Variants in ZNF12 observed in about 807,000 individuals in gnomAD.
ZNF12 encodes zinc finger protein 12.
Under a neutral mutation model 66.6 loss-of-function variants are expected in ZNF12, and 34 were observed. That is an observed-to-expected ratio of 0.51 (90% CI 0.39 to 0.68). The LOEUF is 0.68. Ranked by LOEUF, ZNF12 falls within the 30% of genes least tolerant of loss-of-function variation. ZNF12 has a pLI of 0.00. For missense variants in ZNF12, 697 were observed against 826.9 expected, an observed-to-expected ratio of 0.84 and a Z score of 1.93; for synonymous variants, 320 against 278.9, an observed-to-expected ratio of 1.15 and a Z score of -1.47.
chr7:6,698,530 T>C lies in ZNF12; in HGVS notation c.16-719A>G, dbSNP rs1780187010. Among the ~76,000 whole-genome samples the C allele has an allele frequency of 6.6e-6, 1 of 152,208 alleles. No homozygotes were observed. Among genetic ancestry groups the C allele is most frequent in the African/African-American group, 2.4e-5 (1 of 41,452 alleles). Reference sequence around the variant, plus strand: ...CTACTACTGGAACCAACCCACAATATTTGACACAATTACCAAAATAACAAA... The same window carrying C: ...CTACTACTGGAACCAACCCACAATACTTGACACAATTACCAAAATAACAAA... On this transcript the variant is annotated intron_variant, in intron 2 of 4. Transcript: ENST00000405858. This position sits in a 1 kb window ranked among gnomAD's most constrained non-coding sequence, Gnocchi z 4.4.
At position 6,705,854 on chromosome 7, in the gene ZNF12, T is replaced by C. The variant is rs371318477; in HGVS notation, c.-51+578A>G. Among the ~76,000 whole-genome samples, 4 of 152,296 alleles carry C rather than the reference T, an allele frequency of 2.6e-5. No homozygotes were observed. Among genetic ancestry groups the C allele is most frequent in the East Asian group, 3.9e-4 (2 of 5,180 alleles). On this transcript the variant is annotated intron_variant, in intron 1 of 4. Coordinates refer to ENST00000405858, the MANE Select transcript of ZNF12 (RefSeq NM_016265.4). The surrounding 1 kb of genome is among the most constrained non-coding windows in gnomAD (Gnocchi z 4.0). ...AAATAAAGGAATACAGTCGGCATAA[T>C]TGAGTCTTTATTTGCAGAAACTTCA...
Position 6,697,598 on chromosome 7 carries a change from T to C in ZNF12, c.142+87A>G. 2 of 1,587,872 alleles carry C rather than the reference T, an allele frequency of 1.3e-6. No homozygotes were observed. Among genetic ancestry groups the C allele is most frequent in the South Asian group, 2.3e-5 (2 of 87,226 alleles). On this transcript the variant is annotated intron_variant, in intron 3 of 4. Coordinates refer to ENST00000405858, the MANE Select transcript of ZNF12 (RefSeq NM_016265.4). This position sits in a 1 kb window ranked among gnomAD's most constrained non-coding sequence, Gnocchi z 6.1. ...GGTGCCCAAAAACAGATTACTCACA[T>C]TCGTCCCATCAAATTTTAAGTTAAA...
At position 6,692,182 on chromosome 7, in the gene ZNF12, A is replaced by T; in HGVS notation, c.760T>A (p.Ser254Thr). ...GATGTCTGATGTACAGTGAGGTCCGACATCTGGAGAAAGGCTATTTCAGAT... is the reference window on the plus strand; with the variant it reads ...GATGTCTGATGTACAGTGAGGTCCGTCATCTGGAGAAAGGCTATTTCAGAT... ...NGSEIAFLQM[S>T]DLTVHQTSHM... Residue 254 changes from serine (S) to threonine (T), a missense_variant, in exon 5 of 5, where the codon TCG becomes ACG. Physicochemically the swap from Ser to Thr is moderately conservative, Grantham distance 58 (BLOSUM62 1). Around this residue, in one of 3 missense-constraint regions of ZNF12, gnomAD observed 241 missense variants for 224.0 expected, o/e 1.08. Coordinates refer to ENST00000405858, the MANE Select transcript of ZNF12 (RefSeq NM_016265.4). This position sits in a 1 kb window ranked among gnomAD's most constrained non-coding sequence, Gnocchi z 5.1. 1 of 1,614,160 alleles carries T rather than the reference A, an allele frequency of 6.2e-7. No homozygotes were observed. The highest frequency in any genetic ancestry group is 8.5e-7 in the Non-Finnish European group (1 of 1,179,976).
chr7:6,691,954 A>C lies in ZNF12; in HGVS notation c.988T>G (p.Cys330Gly). Reference sequence around the variant, plus strand: ...AACTTCTGGTAAAAGTTCTTCCCACATTCATTACATTCATAGGGCTTCTCC... The same window carrying C: ...AACTTCTGGTAAAAGTTCTTCCCACCTTCATTACATTCATAGGGCTTCTCC... ...TGEKPYECNE[C>G]GKNFYQKLHL... The change falls in exon 5 of 5, where the codon TGT becomes GGT. Residue 330 changes from cysteine (C) to glycine (G), a missense_variant. Cys to Gly is a radical substitution (Grantham distance 159). This residue lies in a region of ZNF12 where 401 missense variants were observed against 519.0 expected (regional missense o/e 0.77). Transcript: ENST00000405858. 1 of 1,614,142 alleles carries C rather than the reference A, an allele frequency of 6.2e-7. No individual in the cohort carries two copies. The highest frequency in any genetic ancestry group is 8.5e-7 in the Non-Finnish European group (1 of 1,180,016).
At chr7:6,702,491 C>T (rs111702459) in intron 2 of ZNF12, among the ~76,000 whole-genome samples, 244 of 66,838 alleles carry the variant, frequency 3.7e-3, no homozygotes, top group African/African-American at 0.011. Flanking sequence ...AAACTCCACA[C>T]ACACACACAC....
intron 2 of ZNF12, among the ~76,000 whole-genome samples, chr7:6,699,411 G>T (rs1780200138): frequency 6.6e-6 from 1 of 152,218 alleles, no homozygotes; most frequent in African/African-American, 2.4e-5. Flanking sequence ...GCCTGGGAAG[G>T]ATGAGGGTAA....
rs559102575 is a variant in ZNF12 at position 6,706,915 on chromosome 7, G to C, written c.-534C>G. The C allele has an allele frequency of 2.8e-4, 117 of 414,054 alleles. No homozygotes were observed. The highest frequency in any genetic ancestry group is 5.4e-4 in the Admixed American group (20 of 36,866). 25.6% of individuals were successfully genotyped at this position (414,054 alleles called of 1,614,324 possible). A position where few individuals can be genotyped will look rare whatever the true frequency, so the allele number is the denominator to read the frequency against. On this transcript the variant is annotated 5_prime_UTR_variant, in exon 1 of 5. Coordinates refer to ENST00000405858, the MANE Select transcript of ZNF12 (RefSeq NM_016265.4). ...CAAAGCCTGGGAACTAGGGCGAGCGGTGACCTGGGGACGCACAGGAAGCGA... is the reference window on the plus strand; with the variant it reads ...CAAAGCCTGGGAACTAGGGCGAGCGCTGACCTGGGGACGCACAGGAAGCGA...
Position 6,690,819 on chromosome 7 carries a change from G to C in ZNF12, c.*29C>G. 1 of 1,560,706 alleles carries C rather than the reference G, an allele frequency of 6.4e-7. No homozygotes were observed. Among genetic ancestry groups the C allele is most frequent in the Middle Eastern group, 1.7e-4 (1 of 5,826 alleles). ...AGTTTCTGATTCACTATACTGAAAGGGTTCTCTGATATAAAATGAGGTCTG... is the reference window on the plus strand; with the variant it reads ...AGTTTCTGATTCACTATACTGAAAGCGTTCTCTGATATAAAATGAGGTCTG... On this transcript the variant is annotated 3_prime_UTR_variant, in exon 5 of 5. Coordinates refer to ENST00000405858, the MANE Select transcript of ZNF12 (RefSeq NM_016265.4).
intron 2 of ZNF12, among the ~76,000 whole-genome samples, chr7:6,700,562 C>T (rs1341628487): frequency 7.2e-5 from 11 of 152,156 alleles, no homozygotes; most frequent in Admixed American, 5.9e-4. Flanking sequence ...TTGAGTGTCA[C>T]TGACTCAATC....
chr7:6,690,608 T>G lies in ZNF12; in HGVS notation c.*240A>C, dbSNP rs1451964617. The G allele has an allele frequency of 1.4e-5, 6 of 442,938 alleles. No homozygotes were observed. Among genetic ancestry groups the G allele is most frequent in the Non-Finnish European group, 2.4e-5 (6 of 251,818 alleles). 27.4% of individuals were successfully genotyped at this position (442,938 alleles called of 1,614,324 possible). On this transcript the variant is annotated 3_prime_UTR_variant, in exon 5 of 5. Coordinates refer to ENST00000405858, the MANE Select transcript of ZNF12 (RefSeq NM_016265.4). The stretch of plus-strand genomic sequence containing the variant: ...AACAGTTCCAATCCATGGTGACATG[T>G]ATATACATTCTTAATATTTATAAAT...
rs1186887530 is a variant in ZNF12, at chr7:6,692,106, CAGA to C, written c.833_835del (p.Phe278del). 1 of 1,613,998 alleles carries C rather than the reference CAGA, an allele frequency of 6.2e-7. No individual in the cohort carries two copies. The highest frequency in any genetic ancestry group is 8.5e-7 in the Non-Finnish European group (1 of 1,179,926). ...ATGTATAATAAATTTTGACTTTTTA[CAGA>C]AGGATTTCCCACATTCACTGCATTC... is the stretch of plus-strand genomic sequence containing the variant. On this transcript the variant is annotated inframe_deletion, in exon 5 of 5. Transcript: ENST00000405858. This position sits in a 1 kb window ranked among gnomAD's most constrained non-coding sequence, Gnocchi z 5.1.
At position 6,705,683 on chromosome 7, in the gene ZNF12, C is replaced by A. The variant is rs751190115; in HGVS notation, c.-50-460G>T. ...GCAGTGAGCTGGGATGGCACCATTG[C>A]ACTCCAGCCTGGGCAACAAAGCGAA... On this transcript the variant is annotated intron_variant, in intron 1 of 4. Transcript: ENST00000405858. This position sits in a 1 kb window ranked among gnomAD's most constrained non-coding sequence, Gnocchi z 4.0. 4.2e-4 allele frequency among the ~76,000 whole-genome samples: 64 copies of A among 151,656 alleles called. No individual in the cohort carries two copies. Among genetic ancestry groups the A allele is most frequent in the Non-Finnish European group, 8.1e-4 (55 of 67,964 alleles).
chr7:6,702,393 C>T (rs562655452), intron 2 of ZNF12, among the ~76,000 whole-genome samples: 2,289 of 148,596 alleles, frequency 0.015, 52 homozygotes, highest in African/African-American at 0.055. Context: ...CACACACACA[C>T]ACACAACCAG....
rs17789828 is a variant in ZNF12 at position 6,699,006 on chromosome 7, C to A, written c.16-1195G>T. On this transcript the variant is annotated intron_variant, in intron 2 of 4. Transcript: ENST00000405858. ...GAAATCTACTGTTATTGCTGACTTT[C>A]TACTGTGGCTCTGACCACTTTCCAA... Among the ~76,000 whole-genome samples, 260 of 152,314 alleles carry A rather than the reference C, an allele frequency of 1.7e-3. 1 individual carries two copies. Among genetic ancestry groups the A allele is most frequent in the African/African-American group, 5.5e-3 (229 of 41,570 alleles).
rs565399620 is a variant in ZNF12, at chr7:6,705,955, C to A, written c.-51+477G>T. 1.3e-5 allele frequency among the ~76,000 whole-genome samples: 2 copies of A among 152,230 alleles called. No homozygotes were observed. Among genetic ancestry groups the A allele is most frequent in the South Asian group, 4.1e-4 (2 of 4,824 alleles). On this transcript the variant is annotated intron_variant, in intron 1 of 4. Transcript: ENST00000405858. The surrounding 1 kb of genome is among the most constrained non-coding windows in gnomAD (Gnocchi z 4.0). ...AGGATACGGGGGACAGAACACTGGC[C>A]TGGGAGATAAAACTCCAGAGTTCTA...
chr7:6,706,564 C>G lies in ZNF12; in HGVS notation c.-183G>C, dbSNP rs759745704. On this transcript the variant is annotated 5_prime_UTR_variant, in exon 1 of 5. Coordinates refer to ENST00000405858, the MANE Select transcript of ZNF12 (RefSeq NM_016265.4). ...AAGGCCGTTCTGCTCCAGAGGGGCC[C>G]GGGCCGGGCCTACGGGACAAATCCA... is the stretch of plus-strand genomic sequence containing the variant. 4.3e-6 allele frequency: 2 copies of G among 466,212 alleles called. No individual in the cohort carries two copies. The highest frequency in any genetic ancestry group is 4.6e-4 in the Middle Eastern group (1 of 2,178). The allele number at this position is 466,212 out of a possible 1,614,324, so 28.9% of individuals were successfully genotyped here.
intron 2 of ZNF12, among the ~76,000 whole-genome samples, chr7:6,703,715 G>A (rs1414647199): frequency 1.3e-5 from 2 of 152,132 alleles, no homozygotes; most frequent in Non-Finnish European, 2.9e-5. Flanking sequence ...AGCACAGGAG[G>A]GTGACATCAG....
At chr7:6,695,946 G>A (rs1034007760) in intron 4 of ZNF12, among the ~76,000 whole-genome samples, 48 of 152,158 alleles carry the variant, frequency 3.2e-4, no homozygotes, top group Non-Finnish European at 4.4e-4. Flanking sequence ...TGAACCAAAC[G>A]GAGTTTAGTC....
At position 6,692,743 on chromosome 7, in the gene ZNF12, C is replaced by A. The variant is rs767759949; in HGVS notation, c.239-40G>T. ...AATTAATAAACTTTTGTACATCTTC[C>A]TATATATATATGATATGGAATGAGA... is the stretch of plus-strand genomic sequence containing the variant. On this transcript the variant is annotated intron_variant, in intron 4 of 4. Transcript: ENST00000405858. The surrounding 1 kb of genome is among the most constrained non-coding windows in gnomAD (Gnocchi z 5.1). The A allele has an allele frequency of 1.3e-6, 2 of 1,503,266 alleles. No individual in the cohort carries two copies. Among genetic ancestry groups the A allele is most frequent in the South Asian group, 1.4e-5 (1 of 73,102 alleles). 93.1% of individuals were successfully genotyped at this position (1,503,266 alleles called of 1,614,324 possible).
Sources: gnomAD v4.1 joint callset for allele counts (sites outside exome capture counted in the v4.1 genomes callset) on GRCh38, gnomAD v4.1.1 for gene constraint, gnomAD v4.1.1 regional missense constraint, Gnocchi (gnomAD v3.1) non-coding constraint, MANE v1.5 for transcripts, NCBI Gene and HGNC (gene_info 2026-07-23, HGNC 2026-07-21) for gene names.